The following AGBL1 variants were observed in gnomAD, a reference collection of about 807,000 sequenced individuals.
AGBL1 encodes AGBL carboxypeptidase 1.
Under a neutral mutation model 118.9 loss-of-function variants are expected in AGBL1, and 130 were observed. The ratio of observed to expected loss-of-function variants is 1.09; its 90% confidence interval spans 0.95 to 1.26. AGBL1 has a LOEUF of 1.26. Among genes scored for constraint, AGBL1 ranks in the 50% most tolerant of loss-of-function variants. The pLI, the probability that AGBL1 is intolerant of heterozygous loss-of-function variation, is 0.00. For synonymous variants in AGBL1, 555 were observed against 478.9 expected (o/e 1.16, Z -2.08); for missense variants, 1,584 against 1,298.1 (o/e 1.22, Z -3.38).
intron 22 of AGBL1, among the ~76,000 whole-genome samples, chr15:86,702,356 A>C (rs936124474): frequency 6.6e-6 from 1 of 152,168 alleles, no homozygotes; most frequent in Admixed American, 6.5e-5. Flanking sequence ...AGCAGGACAG[A>C]GATGGCCTTA....
chr15:86,190,519 T>C (rs1017836077), intron 5 of AGBL1, among the ~76,000 whole-genome samples: 1 of 152,174 alleles, frequency 6.6e-6, no homozygotes, highest in African/African-American at 2.4e-5. Flanking sequence ...TACAGCCGTG[T>C]CTTGGATTGA....
intron 22 of AGBL1, among the ~76,000 whole-genome samples, chr15:86,714,009 G>A (rs1046739747): frequency 6.6e-6 from 1 of 152,320 alleles, no homozygotes; most frequent in Admixed American, 6.5e-5. Flanking sequence ...GGCAACAGGA[G>A]AGAAGAATAA....
intron 1 of AGBL1, among the ~76,000 whole-genome samples, chr15:86,113,488 G>T (rs1179457310): frequency 1.3e-5 from 2 of 151,764 alleles, no homozygotes; most frequent in Non-Finnish European, 2.9e-5. Context: ...GTTTCACCAT[G>T]TTGGCCAGGC....
chr15:86,188,310 G>A (rs1239204919), intron 5 of AGBL1, among the ~76,000 whole-genome samples: 2 of 152,022 alleles, frequency 1.3e-5, no homozygotes, highest in African/African-American at 4.8e-5. Flanking sequence ...AATGTGTTAG[G>A]AATAAAAAGT....
chr15:86,395,355 T>A (rs144620917), intron 17 of AGBL1, among the ~76,000 whole-genome samples: 160 of 152,174 alleles, frequency 1.1e-3, no homozygotes, highest in African/African-American at 3.6e-3. Context: ...ACCGTCTCCA[T>A]CTGGTAAATA....
At chr15:86,648,973 C>A (rs927199386) in intron 21 of AGBL1, among the ~76,000 whole-genome samples, 1 of 151,854 alleles carries the variant, frequency 6.6e-6, no homozygotes. Flanking sequence ...AGAAATGGGG[C>A]CATTGTTGGA....
intron 5 of AGBL1, among the ~76,000 whole-genome samples, chr15:86,219,986 C>T (rs1253336686): frequency 2.6e-5 from 3 of 115,866 alleles, no homozygotes; most frequent in South Asian, 3.1e-4. Context: ...GAGTTTCACT[C>T]TGTTGCCCGG....
In AGBL1 at chr15:86,267,005, T is replaced by C. The variant is rs1245750257; in HGVS notation, c.1767T>C (p.Asn589=). 1.3e-6 allele frequency: 2 copies of C among 1,569,870 alleles called. No homozygotes were observed. Among genetic ancestry groups the C allele is most frequent in the Admixed American group, 3.7e-5 (2 of 53,866 alleles). The part of the protein sequence containing the change: ...SLDEPWPLQD[N]ASNCLRFFSK... ...TTCATTGTAGGCCTTTGCAAGACAA[T>C]GCTTCCAATTGTTTACGGTTCTTCT... is the stretch of plus-strand genomic sequence containing the variant. The change falls in exon 13 of 23, where the codon AAT becomes AAC. Residue 589 remains asparagine (N), a synonymous_variant. Transcript: ENST00000614907.
chr15:86,633,292 A>C (rs753369102), intron 21 of AGBL1, among the ~76,000 whole-genome samples: 1 of 152,182 alleles, frequency 6.6e-6, no homozygotes, highest in South Asian at 2.1e-4. Flanking sequence ...ATTATTACCT[A>C]TATCATTAAG....
rs1453632672 is a variant in AGBL1 at position 86,364,970 on chromosome 15, T to C, written c.2375-32396T>C. Among the ~76,000 whole-genome samples the C allele has an allele frequency of 9.7e-5, 8 of 82,458 alleles. 1 individual carries two copies. The highest frequency in any genetic ancestry group is 2.4e-4 in the Admixed American group (2 of 8,404). 54.1% of individuals were successfully genotyped at this position (82,458 alleles called of 152,430 possible). On this transcript the variant is annotated intron_variant, in intron 17 of 22. Transcript: ENST00000614907. ...TTTATATGTCACACATATATATATA[T>C]ATATATATATATATATATACACACA...
chr15:86,466,076 A>C (rs1455162292), intron 18 of AGBL1, among the ~76,000 whole-genome samples: 1 of 152,160 alleles, frequency 6.6e-6, no homozygotes, highest in Non-Finnish European at 1.5e-5. Context: ...TTTATTTCTC[A>C]GACCGGCCGA....
chr15:86,330,428 G>A (rs911242279), intron 17 of AGBL1, among the ~76,000 whole-genome samples: 2 of 152,150 alleles, frequency 1.3e-5, no homozygotes, highest in African/African-American at 4.8e-5. Flanking sequence ...ACATTCCGTA[G>A]GGAAGAGGGG....
At chr15:86,259,097 C>A (rs2078943146) in intron 9 of AGBL1, among the ~76,000 whole-genome samples, 2 of 152,184 alleles carry the variant, frequency 1.3e-5, no homozygotes, top group African/African-American at 4.8e-5. Context: ...GCACTGTTGG[C>A]ATTTAGACCG....
At position 86,405,560 on chromosome 15, in the gene AGBL1, A is replaced by C. The variant is rs374365647; in HGVS notation, c.2555+8014A>C. Among the ~76,000 whole-genome samples, 63 of 152,258 alleles carry C rather than the reference A, an allele frequency of 4.1e-4. 1 individual carries two copies. Among genetic ancestry groups the C allele is most frequent in the African/African-American group, 1.5e-3 (62 of 41,554 alleles). On this transcript the variant is annotated intron_variant, in intron 18 of 22. Transcript: ENST00000614907. ...ACAAAAAAGAAAGTGCCTATGCCTA[A>C]GATTGGTTAAGGGGAAAAGTGGCTC... is the stretch of plus-strand genomic sequence containing the variant.
rs190362648 is a variant in AGBL1, at chr15:86,097,314, A to G, written c.51+17291A>G. Among the ~76,000 whole-genome samples the G allele has an allele frequency of 2.2e-3, 340 of 152,292 alleles. 15 individuals are homozygous for G. In the South Asian group the frequency reaches 0.067, roughly 30 times the overall value. ...GAGTATTTGTTGTTTCTGTATGTTG[A>G]GAACATTTCAGGTTCTCTCTTCTAG... On this transcript the variant is annotated intron_variant, in intron 1 of 22. Coordinates refer to ENST00000614907, the MANE Select transcript of AGBL1 (RefSeq NM_001386094.1).
At chr15:86,475,741 T>A (rs1043775299) in intron 18 of AGBL1, among the ~76,000 whole-genome samples, 2 of 151,996 alleles carry the variant, frequency 1.3e-5, no homozygotes, top group Admixed American at 6.6e-5. Flanking sequence ...AAGATACTCA[T>A]CAAGAAGAGC....
intron 5 of AGBL1, among the ~76,000 whole-genome samples, chr15:86,197,140 C>G (rs999334090): frequency 2.6e-5 from 4 of 152,096 alleles, no homozygotes; most frequent in African/African-American, 9.7e-5. Flanking sequence ...GCTGCTGTAA[C>G]CTAAAAATGC....
At chr15:86,111,477 T>C (rs1389980938) in intron 1 of AGBL1, among the ~76,000 whole-genome samples, 1 of 152,196 alleles carries the variant, frequency 6.6e-6, no homozygotes, top group Non-Finnish European at 1.5e-5. Flanking sequence ...GGAGAGTTTT[T>C]GGCTTTCCAA....
intron 22 of AGBL1, among the ~76,000 whole-genome samples, chr15:86,739,802 C>A (rs2141232681): frequency 6.6e-6 from 1 of 152,246 alleles, no homozygotes; most frequent in Non-Finnish European, 1.5e-5. Flanking sequence ...CCTTAAACAG[C>A]AGGATGGCAG....
Sources: gnomAD v4.1 joint callset for allele counts (sites outside exome capture counted in the v4.1 genomes callset) on GRCh38, gnomAD v4.1.1 for gene constraint, MANE v1.5 for transcripts, NCBI Gene and HGNC (gene_info 2026-07-23, HGNC 2026-07-21) for gene names.